The following HIVEP3 variants were observed in gnomAD, a reference collection of about 807,000 sequenced individuals.
HIVEP3 encodes transcription factor HIVEP3.
HIVEP3 carries 49 observed loss-of-function variants against 152.8 expected under a neutral mutation model. The ratio of observed to expected loss-of-function variants is 0.32; its 90% CI spans 0.26 to 0.41. HIVEP3 has a LOEUF of 0.41. Among genes scored for constraint, HIVEP3 ranks in the 10% least tolerant of loss-of-function variants. The probability of loss-of-function intolerance (pLI) is 1.00; values close to 1 mark genes in which losing one functional copy is unlikely to be tolerated. For missense variants in HIVEP3, 2,790 were observed against 3,103.3 expected (o/e 0.90, Z 2.40); for synonymous variants, 1,269 against 1,289.0 (o/e 0.98, Z 0.33).
chr1:41,518,637 G>T (rs1642676045), intron 6 of HIVEP3, 149 bp from the exon 7 acceptor site: 1 of 726,882 alleles, frequency 1.4e-6, no homozygotes. Context: ...AGGAGCTGGG[G>T]TATCCCTCTG....
intron 1 of HIVEP3, among the ~76,000 whole-genome samples, chr1:41,927,535 C>T (rs188984747): frequency 3.3e-5 from 5 of 152,252 alleles, no homozygotes; most frequent in South Asian, 2.1e-4. Flanking sequence ...AATCAAATAA[C>T]GTAAGTGTGC....
At chr1:41,626,951 CTG>C (rs1645126681) in intron 3 of HIVEP3, among the ~76,000 whole-genome samples, 1 of 152,234 alleles carries the variant, frequency 6.6e-6, no homozygotes, top group Non-Finnish European at 1.5e-5. Context: ...CTGAACCTCT[CTG>C]TGCTCAGTTT....
intron 5 of HIVEP3, among the ~76,000 whole-genome samples, chr1:41,544,614 G>GCTACTACCATCACCA (rs1558045275): frequency 1.3e-4 from 18 of 135,470 alleles, no homozygotes; most frequent in African/African-American, 7.8e-5. Flanking sequence ...CACCATCACC[G>GCTACTACCATCACCA]CCACCACTAT....
chr1:41,864,928 C>T (rs1301938464), intron 1 of HIVEP3, among the ~76,000 whole-genome samples: 1 of 152,202 alleles, frequency 6.6e-6, no homozygotes, highest in African/African-American at 2.4e-5. Flanking sequence ...TCACAGAGCT[C>T]CTTAATCTGG....
chr1:41,562,321 T>C (rs1030115912), intron 5 of HIVEP3, among the ~76,000 whole-genome samples: 4 of 152,166 alleles, frequency 2.6e-5, no homozygotes, highest in Admixed American at 6.5e-5. Context: ...TTCAGGGAAG[T>C]GCCAATAGGC....
At chr1:41,740,734 G>A (rs1646985157) in intron 1 of HIVEP3, among the ~76,000 whole-genome samples, 1 of 152,240 alleles carries the variant, frequency 6.6e-6, no homozygotes, top group Non-Finnish European at 1.5e-5. Context: ...ATGGCAGACA[G>A]GCAAGCAAAA....
chr1:41,705,731 G>T (rs1020788234), intron 1 of HIVEP3, among the ~76,000 whole-genome samples: 2 of 152,206 alleles, frequency 1.3e-5, no homozygotes, highest in Non-Finnish European at 2.9e-5. Flanking sequence ...CGTGCATCAA[G>T]AACTTTGCCT....
At chr1:41,925,795 T>A (rs371935675) in intron 1 of HIVEP3, among the ~76,000 whole-genome samples, 2 of 152,328 alleles carry the variant, frequency 1.3e-5, no homozygotes, top group East Asian at 3.9e-4. Context: ...AATGTTTCTG[T>A]CAGTATCTAT....
chr1:42,019,625 A>G (rs1009920906), intron 1 of HIVEP3, among the ~76,000 whole-genome samples: 8 of 151,962 alleles, frequency 5.3e-5, no homozygotes, highest in Non-Finnish European at 1.2e-4. Flanking sequence ...TAATTCTAAT[A>G]GTTTATCTAT....
chr1:41,893,352 T>C (rs924416308), intron 1 of HIVEP3, among the ~76,000 whole-genome samples: 1 of 152,136 alleles, frequency 6.6e-6, no homozygotes, highest in Non-Finnish European at 1.5e-5. Context: ...AGGATATTAA[T>C]CCCTCTCTCT....
At position 41,893,833 on chromosome 1, in the gene HIVEP3, AAT is replaced by A. The variant is rs1024530900; in HGVS notation, c.-801+24578_-801+24579del. ...ATATATAATACATTATATAACATAT[AAT>A]ATATATTATATATGAATATGAAAAA... On this transcript the variant is annotated intron_variant, in intron 1 of 8. Transcript: ENST00000372583. 2.6e-4 allele frequency among the ~76,000 whole-genome samples: 39 copies of A among 147,248 alleles called. 1 individual carries two copies. The highest frequency in any genetic ancestry group is 8.9e-4 in the African/African-American group (36 of 40,620).
At chr1:41,762,333 G>A (rs1051339851) in intron 1 of HIVEP3, among the ~76,000 whole-genome samples, 8 of 152,154 alleles carry the variant, frequency 5.3e-5, no homozygotes, top group Admixed American at 2.0e-4. Context: ...CAAGAACTTG[G>A]GACCCACTGA....
At chr1:41,840,940 T>C (rs1643269679) in intron 1 of HIVEP3, among the ~76,000 whole-genome samples, 1 of 152,216 alleles carries the variant, frequency 6.6e-6, no homozygotes, top group African/African-American at 2.4e-5. Flanking sequence ...GGCCATCCAG[T>C]CAGTGGTTAA....
chr1:41,716,213 T>C (rs1216918320), intron 1 of HIVEP3, among the ~76,000 whole-genome samples: 2 of 151,888 alleles, frequency 1.3e-5, no homozygotes, highest in East Asian at 1.9e-4. Context: ...TGAGGCTCGA[T>C]AGGGAGGCTG....
chr1:41,581,445 G>A lies in HIVEP3; in HGVS notation c.3353C>T (p.Thr1118Ile), dbSNP rs1456671900. ...RPPLGPTVPY[T>I]EALQVFHHPV... ...GTGGTGGAACACTTGCAGTGCTTCT[G>A]TGTAGGGCACAGTGGGCCCCAATGG... is the stretch of plus-strand genomic sequence containing the variant. Residue 1118 changes from threonine (T) to isoleucine (I), a missense_variant, in exon 4 of 9, where the codon ACA becomes ATA. Thr to Ile is a moderately conservative substitution (Grantham distance 89, BLOSUM62 -1). Around this residue, in one of 9 missense-constraint regions of HIVEP3, gnomAD observed 1,078 missense variants for 1,165.3 expected, o/e 0.93. Coordinates refer to ENST00000372583, the MANE Select transcript of HIVEP3 (RefSeq NM_024503.5). This position sits in a 1 kb window ranked among gnomAD's most constrained non-coding sequence, Gnocchi z 4.5. 1 of 1,587,022 alleles carries A rather than the reference G, an allele frequency of 6.3e-7. No homozygotes were observed.
chr1:41,692,259 C>T (rs1022540968), intron 2 of HIVEP3, among the ~76,000 whole-genome samples: 1 of 152,230 alleles, frequency 6.6e-6, no homozygotes. Context: ...GAAAAGGACA[C>T]TATGGACAGT....
rs148189411 is a variant in HIVEP3 at position 41,568,164 on chromosome 1, A to G, written c.5207+7380T>C. Reference sequence around the variant, plus strand: ...CACAGAGCTTACAGTCTGGTGGAGGAAACAGAAGCACACTAGTAAATACCT... The same window carrying G: ...CACAGAGCTTACAGTCTGGTGGAGGGAACAGAAGCACACTAGTAAATACCT... On this transcript the variant is annotated intron_variant, in intron 5 of 8. Coordinates refer to ENST00000372583, the MANE Select transcript of HIVEP3 (RefSeq NM_024503.5). Among the ~76,000 whole-genome samples, 318 of 152,376 alleles carry G rather than the reference A, an allele frequency of 2.1e-3. 1 individual carries two copies. The highest frequency in any genetic ancestry group is 7.3e-3 in the African/African-American group (305 of 41,582).
intron 3 of HIVEP3, among the ~76,000 whole-genome samples, chr1:41,622,206 G>C (rs561715520): frequency 6.6e-6 from 1 of 152,214 alleles, no homozygotes; most frequent in Non-Finnish European, 1.5e-5. Context: ...CCCTCTCATG[G>C]AGAGACAGAT....
intron 1 of HIVEP3, among the ~76,000 whole-genome samples, chr1:41,948,559 C>T (rs954844999): frequency 6.6e-6 from 1 of 152,036 alleles, no homozygotes; most frequent in Non-Finnish European, 1.5e-5. Flanking sequence ...CAAGGCAGGA[C>T]CCTCCATTAG....
Sources: gnomAD v4.1 joint callset for allele counts (sites outside exome capture counted in the v4.1 genomes callset) on GRCh38, gnomAD v4.1.1 for gene constraint, gnomAD v4.1.1 regional missense constraint, Gnocchi (gnomAD v3.1) non-coding constraint, MANE v1.5 for transcripts, NCBI Gene and HGNC (gene_info 2026-07-23, HGNC 2026-07-21) for gene names.